The following PLEKHA3 variants were observed in gnomAD, a reference collection of about 807,000 sequenced individuals.
PLEKHA3 encodes the protein pleckstrin homology domain-containing family A member 3.
Under a neutral mutation model 39.2 loss-of-function variants are expected in PLEKHA3, and 19 were observed. That is an observed-to-expected ratio of 0.48 (90% CI 0.34 to 0.71). The LOEUF is 0.71. Ranked by LOEUF, PLEKHA3 falls within the 30% of genes least tolerant of loss-of-function variation. The pLI is 0.01. For synonymous variants in PLEKHA3, 97 were observed against 118.6 expected, an observed-to-expected ratio of 0.82 and a Z score of 1.18; for missense variants, 253 against 359.5, an observed-to-expected ratio of 0.70 and a Z score of 2.40.
rs1215717352 is a variant in PLEKHA3, at chr2:178,508,034, G to C, written c.*4147G>C. 2 of 146,814 alleles carry C rather than the reference G, an allele frequency of 1.4e-5. No homozygotes were observed. The highest frequency in any genetic ancestry group is 3.0e-5 in the Non-Finnish European group (2 of 66,724). 9.1% of individuals were successfully genotyped at this position (146,814 alleles called of 1,614,324 possible). On this transcript the variant is annotated 3_prime_UTR_variant, in exon 8 of 8. Coordinates refer to ENST00000234453, the MANE Select transcript of PLEKHA3 (RefSeq NM_019091.4). Reference sequence around the variant, plus strand: ...GTGGAATCTTTCAATTTAGAGATTTGTCTGCTTCAGTTCTGGGTGTGTGTG... The same window carrying C: ...GTGGAATCTTTCAATTTAGAGATTTCTCTGCTTCAGTTCTGGGTGTGTGTG...
chr2:178,509,544 C>A lies in PLEKHA3; in HGVS notation c.*5657C>A, dbSNP rs1193301169. The A allele has an allele frequency of 4.0e-5, 6 of 150,130 alleles. No homozygotes were observed. Among genetic ancestry groups the A allele is most frequent in the African/African-American group, 1.5e-4 (6 of 40,716 alleles). The allele number at this position is 150,130 out of a possible 1,614,324, so 9.3% of individuals were successfully genotyped here. ...CCAGTCTTGAGTATAGTGGAGTGAT[C>A]TCAGCTCACTGCAGTCTCGACCTCC... is the stretch of plus-strand genomic sequence containing the variant. On this transcript the variant is annotated 3_prime_UTR_variant, in exon 8 of 8. Transcript: ENST00000234453.
In PLEKHA3 at chr2:178,495,570, G is replaced by A; in HGVS notation, c.525G>A (p.Lys175=). 1 of 1,614,170 alleles carries A rather than the reference G, an allele frequency of 6.2e-7. No homozygotes were observed. Among genetic ancestry groups the A allele is most frequent in the South Asian group, 1.1e-5 (1 of 91,080 alleles). ...TCACAACGCTTGAGGAATGTGTGAA[G>A]ATAGCCAATGCCAAGTTTAAACCTG... ...TFITTLEECV[K]IANAKFKPEM... The change falls in exon 5 of 8, where the codon AAG becomes AAA. Residue 175 remains lysine (K), a synonymous_variant. Transcript: ENST00000234453.
At chr2:178,491,932 T>C (rs1456475978) in intron 3 of PLEKHA3, among the ~76,000 whole-genome samples, 2 of 152,124 alleles carry the variant, frequency 1.3e-5, no homozygotes, top group East Asian at 1.9e-4. Flanking sequence ...CCCGCTCTCA[T>C]AGTAACTAAT....
At position 178,505,067 on chromosome 2, in the gene PLEKHA3, AATAC is replaced by A. The variant is rs1237909008; in HGVS notation, c.*1183_*1186del. On this transcript the variant is annotated 3_prime_UTR_variant, in exon 8 of 8. Coordinates refer to ENST00000234453, the MANE Select transcript of PLEKHA3 (RefSeq NM_019091.4). ...GTTTTTGCATTCAAACACATCATAT[AATAC>A]ATTGTATTTTTTACATTCATTGATA... The A allele has an allele frequency of 1.3e-5, 2 of 152,384 alleles. No homozygotes were observed. Among genetic ancestry groups the A allele is most frequent in the Non-Finnish European group, 2.9e-5 (2 of 67,854 alleles). The allele number at this position is 152,384 out of a possible 1,614,324, so 9.4% of individuals were successfully genotyped here.
At chr2:178,498,808 C>T (rs1685485256) in intron 5 of PLEKHA3, among the ~76,000 whole-genome samples, 1 of 151,876 alleles carries the variant, frequency 6.6e-6, no homozygotes, top group Non-Finnish European at 1.5e-5. Context: ...CTACTACTGT[C>T]CTTTAAAAAA....
At chr2:178,489,451 CTTTTTTTTTTTTTT>C (rs71023445) in intron 2 of PLEKHA3, among the ~76,000 whole-genome samples, 1 of 82,370 alleles carries the variant, frequency 1.2e-5, no homozygotes, top group African/African-American at 5.0e-5. Flanking sequence ...TCTTTTCCTT[CTTTTTTTTTTTTTT>C]TTTTTTTTTT....
chr2:178,503,748 A>G lies in PLEKHA3; in HGVS notation c.776-12A>G, dbSNP rs201364324. ...GACAGGATGTTTAACGTTTTTATCAATGTCTTCATAGGACCTGTTCACTGT... is the reference window on the plus strand; with the variant it reads ...GACAGGATGTTTAACGTTTTTATCAGTGTCTTCATAGGACCTGTTCACTGT... On this transcript the variant is annotated splice_polypyrimidine_tract_variant and intron_variant, in intron 7 of 7. Coordinates refer to ENST00000234453, the MANE Select transcript of PLEKHA3 (RefSeq NM_019091.4). 19 of 1,609,334 alleles carry G rather than the reference A, an allele frequency of 1.2e-5. No individual in the cohort carries two copies. The highest frequency in any genetic ancestry group is 1.0e-4 in the Admixed American group (6 of 59,780).
chr2:178,494,489 A>C (rs1306938631), intron 4 of PLEKHA3, among the ~76,000 whole-genome samples: 1 of 150,162 alleles, frequency 6.7e-6, no homozygotes, highest in Non-Finnish European at 1.5e-5. Context: ...CCAGTGAGCT[A>C]TACCACTCTC....
intron 3 of PLEKHA3, among the ~76,000 whole-genome samples, chr2:178,491,491 T>C (rs1276338189): frequency 6.6e-6 from 1 of 152,246 alleles, no homozygotes; most frequent in Non-Finnish European, 1.5e-5. Context: ...ATTGTTACCT[T>C]TGGAAGTGGA....
intron 2 of PLEKHA3, among the ~76,000 whole-genome samples, chr2:178,489,451 C>CTT (rs71023445): frequency 0.17 from 14,182 of 82,310 alleles, 1,506 homozygotes; most frequent in East Asian, 0.46. Context: ...TCTTTTCCTT[C>CTT]TTTTTTTTTT....
At chr2:178,492,711 T>C (rs781457607) in intron 3 of PLEKHA3, among the ~76,000 whole-genome samples, 3 of 151,880 alleles carry the variant, frequency 2.0e-5, no homozygotes, top group East Asian at 3.9e-4. Context: ...GTCATACTTA[T>C]ACAGACAGAA....
At chr2:178,494,039 G>A (rs770809269) in intron 4 of PLEKHA3, 50 bp downstream of exon 4, 1 of 1,561,744 alleles carries the variant, frequency 6.4e-7, no homozygotes, top group South Asian at 1.2e-5. Flanking sequence ...GGAGTACTCT[G>A]GGGGGATCCT....
chr2:178,502,311 A>G (rs1417579520), intron 7 of PLEKHA3: 4 of 391,618 alleles, frequency 1.0e-5, no homozygotes, highest in South Asian at 7.6e-5. Context: ...TTCTATGCTC[A>G]TTAACATTTT....
rs1369485802 is a variant in PLEKHA3, at chr2:178,511,093, TG to T, written c.*7209del. The T allele has an allele frequency of 6.6e-6, 1 of 152,202 alleles. No homozygotes were observed. The highest frequency in any genetic ancestry group is 2.4e-5 in the African/African-American group (1 of 41,438). The allele number at this position is 152,202 out of a possible 1,614,324, so 9.4% of individuals were successfully genotyped here. ...ATGAGATTCTCTTCTAGAGGGGAAG[TG>T]GGAGTAGGTAACCATACTACTCTTT... On this transcript the variant is annotated 3_prime_UTR_variant, in exon 8 of 8. Transcript: ENST00000234453.
chr2:178,493,556 G>C (rs1685391972), intron 3 of PLEKHA3, among the ~76,000 whole-genome samples: 1 of 152,092 alleles, frequency 6.6e-6, no homozygotes, highest in Non-Finnish European at 1.5e-5. Context: ...AGAAAACCAA[G>C]CACTTTTTAA....
Position 178,510,784 on chromosome 2 carries a change from G to C in PLEKHA3, c.*6897G>C, listed in dbSNP as rs1473281138. On this transcript the variant is annotated 3_prime_UTR_variant, in exon 8 of 8. Coordinates refer to ENST00000234453, the MANE Select transcript of PLEKHA3 (RefSeq NM_019091.4). Reference sequence around the variant, plus strand: ...TATCCATAACCTCTTGTAAATAGTTGTACACCTTTCAGAAAATGTTGTGGA... The same window carrying C: ...TATCCATAACCTCTTGTAAATAGTTCTACACCTTTCAGAAAATGTTGTGGA... 26 of 152,428 alleles carry C rather than the reference G, an allele frequency of 1.7e-4. No individual in the cohort carries two copies. Among genetic ancestry groups the C allele is most frequent in the Admixed American group, 1.7e-3 (26 of 15,286 alleles). 9.4% of individuals were successfully genotyped at this position (152,428 alleles called of 1,614,324 possible).
intron 7 of PLEKHA3, chr2:178,502,477 G>A (rs747489889): frequency 1.4e-4 from 42 of 296,220 alleles, no homozygotes; most frequent in Admixed American, 1.5e-4. Context: ...AAAGTTATCT[G>A]AGGCAGGTAA....
chr2:178,492,586 A>C lies in PLEKHA3; in HGVS notation c.314-1267A>C, dbSNP rs564760931. On this transcript the variant is annotated intron_variant, in intron 3 of 7. Transcript: ENST00000234453. ...ATGTATACATATGTAACTAACCTGCACATTGTGCACATGTACCCTAAAACT... is the reference window on the plus strand; with the variant it reads ...ATGTATACATATGTAACTAACCTGCCCATTGTGCACATGTACCCTAAAACT... 2.6e-5 allele frequency among the ~76,000 whole-genome samples: 4 copies of C among 151,934 alleles called. No individual in the cohort carries two copies. In the South Asian group the frequency reaches 8.3e-4, roughly 32 times the overall value.
rs1368034853 is a variant in PLEKHA3, at chr2:178,505,127, A to G, written c.*1240A>G. The G allele has an allele frequency of 2.0e-5, 3 of 152,436 alleles. No individual in the cohort carries two copies. The highest frequency in any genetic ancestry group is 7.2e-5 in the African/African-American group (3 of 41,442). The allele number at this position is 152,436 out of a possible 1,614,324, so 9.4% of individuals were successfully genotyped here. A position where few individuals can be genotyped will look rare whatever the true frequency, so the allele number is the denominator to read the frequency against. On this transcript the variant is annotated 3_prime_UTR_variant, in exon 8 of 8. Transcript: ENST00000234453. ...TCTAATCTTTATTAGGCACTAATAT[A>G]ATTCTAATGGATTTGAGTTTGTTTG... is the stretch of plus-strand genomic sequence containing the variant.
Sources: gnomAD v4.1 joint callset for allele counts (sites outside exome capture counted in the v4.1 genomes callset) on GRCh38, gnomAD v4.1.1 for gene constraint, MANE v1.5 for transcripts, NCBI Gene and HGNC (gene_info 2026-07-23, HGNC 2026-07-21) for gene names.